SNX2: variants seen among roughly 807,000 people sequenced by gnomAD.
SNX2 encodes sorting nexin 2.
In SNX2, 25 loss-of-function variants were observed where a neutral mutation model predicts 69.9. The ratio of observed to expected loss-of-function variants is 0.36; its 90% CI spans 0.26 to 0.50. The LOEUF is 0.50. SNX2 is among the 20% of genes least tolerant of loss of function. SNX2 has a pLI of 0.97. For synonymous variants in SNX2, 229 were observed against 200.4 expected (o/e 1.14, Z -1.20); for missense variants, 551 against 613.3 (o/e 0.90, Z 1.07).
intron 5 of SNX2, among the ~76,000 whole-genome samples, chr5:122,802,959 GTGAGGA>G (rs973806236): frequency 6.8e-6 from 1 of 147,722 alleles, no homozygotes; most frequent in Admixed American, 6.6e-5. Context: ...CAGGAACACA[GTGAGGA>G]TGAGGATGAC....
intron 7 of SNX2, among the ~76,000 whole-genome samples, chr5:122,814,581 A>C (rs919062357): frequency 1.7e-4 from 26 of 152,140 alleles, no homozygotes; most frequent in Non-Finnish European, 2.9e-4. Flanking sequence ...GAAGATTATC[A>C]CTTTTTTGGA....
chr5:122,804,980 C>T (rs769477285), intron 6 of SNX2, among the ~76,000 whole-genome samples: 2 of 151,502 alleles, frequency 1.3e-5, no homozygotes, highest in Non-Finnish European at 2.9e-5. Context: ...CGCTTTGCTG[C>T]CCAGGCTGGA....
chr5:122,779,125 A>G (rs530617923), intron 1 of SNX2, among the ~76,000 whole-genome samples: 3 of 152,352 alleles, frequency 2.0e-5, no homozygotes, highest in Non-Finnish European at 4.4e-5. Context: ...AATTTATATT[A>G]ACTACCTGGT....
chr5:122,815,306 A>C (rs1292280770), intron 7 of SNX2, among the ~76,000 whole-genome samples: 1 of 152,208 alleles, frequency 6.6e-6, no homozygotes, highest in African/African-American at 2.4e-5. Flanking sequence ...CAAAACCTTA[A>C]AAATAGAAAT....
intron 6 of SNX2, among the ~76,000 whole-genome samples, chr5:122,804,691 GACTT>G (rs1753594334): frequency 1.3e-5 from 2 of 152,000 alleles, no homozygotes; most frequent in African/African-American, 4.8e-5. Flanking sequence ...AAGCAATAAA[GACTT>G]AGTTAAGAAA....
At chr5:122,827,873 C>T (rs1250712336) in intron 14 of SNX2, 4 of 421,742 alleles carry the variant, frequency 9.5e-6, no homozygotes, top group Admixed American at 8.0e-5. Flanking sequence ...AGACTTTTCC[C>T]AGTTTTAGGC....
rs1754178615 is a variant in SNX2 at position 122,827,523 on chromosome 5, A to G, written c.1438-52A>G. On this transcript the variant is annotated intron_variant, in intron 13 of 14. Coordinates refer to ENST00000379516, the MANE Select transcript of SNX2 (RefSeq NM_003100.4). The stretch of plus-strand genomic sequence containing the variant: ...TCACATTTTGCTGCAATTTTGTGGT[A>G]AAGTTGAATTTAGCTTTCTACTAAC... The G allele has an allele frequency of 2.5e-6, 4 of 1,603,072 alleles. 1 individual carries two copies. In the South Asian group the frequency reaches 3.3e-5, roughly 13 times the overall value.
chr5:122,788,172 A>G (rs115345188), intron 1 of SNX2, among the ~76,000 whole-genome samples: 4,186 of 152,330 alleles, frequency 0.027, 74 homozygotes, highest in Middle Eastern at 0.058. Context: ...TTCTGCATCA[A>G]TAGGTCTTTC....
chr5:122,820,196 C>G (rs1358453035), intron 11 of SNX2, among the ~76,000 whole-genome samples: 2 of 152,168 alleles, frequency 1.3e-5, no homozygotes, highest in African/African-American at 4.8e-5. Context: ...TGTGACACTT[C>G]CAACAAACCC....
At chr5:122,791,744 C>T (rs1753245510) in intron 1 of SNX2, among the ~76,000 whole-genome samples, 1 of 152,226 alleles carries the variant, frequency 6.6e-6, no homozygotes, top group Non-Finnish European at 1.5e-5. Flanking sequence ...TATAGAACAT[C>T]TGATTGACAA....
chr5:122,800,315 G>T (rs771410587), intron 3 of SNX2, among the ~76,000 whole-genome samples: 1 of 151,998 alleles, frequency 6.6e-6, no homozygotes, highest in Admixed American at 6.6e-5. Context: ...ATTTGGAAAA[G>T]AAAAATTATA....
At chr5:122,820,252 T>C (rs1753990889) in intron 11 of SNX2, among the ~76,000 whole-genome samples, 1 of 152,102 alleles carries the variant, frequency 6.6e-6, no homozygotes, top group Admixed American at 6.6e-5. Flanking sequence ...AGAATACATA[T>C]CTGGGCCGGG....
At position 122,817,048 on chromosome 5, in the gene SNX2, C is replaced by A. The variant is rs566131044; in HGVS notation, c.912+20C>A. The A allele has an allele frequency of 2.6e-6, 4 of 1,542,416 alleles. No homozygotes were observed. In the South Asian group the frequency reaches 3.4e-5, roughly 13 times the overall value. Reference sequence around the variant, plus strand: ...GATGCAGTAAGAGCTGATTTTTCGGCTTGAATAATGAGATGAATTAATGAG... The same window carrying A: ...GATGCAGTAAGAGCTGATTTTTCGGATTGAATAATGAGATGAATTAATGAG... On this transcript the variant is annotated intron_variant, in intron 9 of 14. Coordinates refer to ENST00000379516, the MANE Select transcript of SNX2 (RefSeq NM_003100.4).
At chr5:122,806,142 G>GCGCGCGCACACGCACACACACACACACA in intron 6 of SNX2, among the ~76,000 whole-genome samples, 1 of 130,584 alleles carries the variant, frequency 7.7e-6, no homozygotes. Context: ...ACACGCGCGC[G>GCGCGCGCACACGCACACACACACACACA]CACACACACA....
intron 1 of SNX2, among the ~76,000 whole-genome samples, chr5:122,794,546 G>GC (rs1753332129): frequency 6.6e-6 from 1 of 152,134 alleles, no homozygotes; most frequent in Non-Finnish European, 1.5e-5. Flanking sequence ...GGGCATATCT[G>GC]CCCCCACCAG....
At chr5:122,806,892 AACTGAAGATGT>A (rs1366898610) in intron 6 of SNX2, among the ~76,000 whole-genome samples, 1 of 152,234 alleles carries the variant, frequency 6.6e-6, no homozygotes, top group Non-Finnish European at 1.5e-5. Flanking sequence ...TAATGTGCCA[AACTGAAGATGT>A]ACCAAACTGA....
At chr5:122,783,907 T>C (rs1753027338) in intron 1 of SNX2, among the ~76,000 whole-genome samples, 2 of 124,458 alleles carry the variant, frequency 1.6e-5, no homozygotes, top group Admixed American at 1.6e-4. Flanking sequence ...AAGCATAATC[T>C]CTCTATTTAT....
intron 1 of SNX2, among the ~76,000 whole-genome samples, chr5:122,785,412 T>C (rs1753064263): frequency 6.6e-6 from 1 of 151,948 alleles, no homozygotes; most frequent in African/African-American, 2.4e-5. Flanking sequence ...CCTCCCAAAA[T>C]GCTGGAATTA....
At chr5:122,827,218 GGTTGACAGTTAAATGCAATTTCT>G in intron 12 of SNX2, 138 bp from the exon 13 acceptor site, 1 of 605,534 alleles carries the variant, frequency 1.7e-6, no homozygotes, top group Non-Finnish European at 2.9e-6. Context: ...CATTTCTATT[GGTTGACAGTTAAATGCAATTTCT>G]GTTGATGCTA....
Sources: allele counts gnomAD v4.1 joint callset (sites outside exome capture counted in the v4.1 genomes callset), GRCh38; gene constraint gnomAD v4.1.1; transcripts MANE v1.5; gene names NCBI Gene and HGNC (gene_info 2026-07-23, HGNC 2026-07-21).